MYO1E: variants seen among roughly 807,000 people sequenced by gnomAD.
The protein encoded by MYO1E is myosin IE.
A neutral mutation model predicts 151.1 loss-of-function variants in MYO1E; 68 were observed. The ratio of observed to expected loss-of-function variants is 0.45; its 90% CI spans 0.37 to 0.55. MYO1E has a LOEUF of 0.55. Ranked by LOEUF, MYO1E falls within the 20% of genes least tolerant of loss-of-function variation. MYO1E has a pLI of 0.00. For missense variants in MYO1E, 1,363 were observed against 1,389.3 expected (o/e 0.98, Z 0.30); for synonymous variants, 601 against 501.7 (o/e 1.20, Z -2.64).
chr15:59,191,332 CAGAGAGAGAGAGAGAGAG>C lies in MYO1E; in HGVS notation c.1806-3134_1806-3117del, dbSNP rs34694267. On this transcript the variant is annotated intron_variant, in intron 17 of 27. Transcript: ENST00000288235. ...CCCATATAAGTCAGACAGACAGAGACAGAGAGAGAGAGAGAGAGAGAGAGAGAGAGAGAGAGAAAGAAA... is the reference window on the plus strand; with the variant it reads ...CCCATATAAGTCAGACAGACAGAGACAGAGAGAGAGAGAGAGAGAAAGAAA... Among the ~76,000 whole-genome samples, 701 of 105,746 alleles carry C rather than the reference CAGAGAGAGAGAGAGAGAG, an allele frequency of 6.6e-3. 6 individuals are homozygous for C. Among genetic ancestry groups the C allele is most frequent in the African/African-American group, 0.022 (645 of 29,036 alleles). 69.4% of individuals were successfully genotyped at this position (105,746 alleles called of 152,430 possible). A position where few individuals can be genotyped will look rare whatever the true frequency, so the allele number is the denominator to read the frequency against.
intron 6 of MYO1E, among the ~76,000 whole-genome samples, chr15:59,230,504 C>A (rs138794321): frequency 3.8e-4 from 57 of 151,936 alleles, no homozygotes; most frequent in African/African-American, 1.3e-3. Flanking sequence ...TGGTCAAGTC[C>A]ATTTTTATAA....
At chr15:59,177,885 A>T (rs1211345386) in intron 19 of MYO1E, among the ~76,000 whole-genome samples, 2 of 152,164 alleles carry the variant, frequency 1.3e-5, no homozygotes, top group African/African-American at 4.8e-5. Flanking sequence ...TCTAGGTACA[A>T]TCCTGGGAAT....
intron 1 of MYO1E, among the ~76,000 whole-genome samples, chr15:59,272,836 A>G (rs8037629): frequency 1.0e-3 from 153 of 152,348 alleles, no homozygotes; most frequent in African/African-American, 3.6e-3. Flanking sequence ...CTATCCTTCA[A>G]CCATACTGTT....
At chr15:59,206,532 C>T (rs2079835194) in intron 14 of MYO1E, among the ~76,000 whole-genome samples, 1 of 152,224 alleles carries the variant, frequency 6.6e-6, no homozygotes, top group Non-Finnish European at 1.5e-5. Flanking sequence ...AGCATAGAGC[C>T]CTATCCTTCC....
At chr15:59,285,795 G>A (rs2080384532) in intron 1 of MYO1E, among the ~76,000 whole-genome samples, 1 of 152,216 alleles carries the variant, frequency 6.6e-6, no homozygotes, top group Non-Finnish European at 1.5e-5. Flanking sequence ...GTGTGTGCAT[G>A]TCCATTAAGA....
intron 21 of MYO1E, 62 bp downstream of exon 21, chr15:59,173,681 TAAC>T: frequency 1.3e-6 from 2 of 1,587,900 alleles, no homozygotes; most frequent in Non-Finnish European, 1.7e-6. Context: ...AAAAGCAAAA[TAAC>T]AAGTTATTAA....
intron 3 of MYO1E, among the ~76,000 whole-genome samples, chr15:59,258,476 A>C (rs947843600): frequency 1.3e-5 from 2 of 152,260 alleles, no homozygotes; most frequent in Admixed American, 6.5e-5. Context: ...GCCACCTTTG[A>C]TTGGCCAAAA....
chr15:59,355,949 G>A (rs1446108107), intron 1 of MYO1E, among the ~76,000 whole-genome samples: 1 of 152,076 alleles, frequency 6.6e-6, no homozygotes, highest in Non-Finnish European at 1.5e-5. Context: ...GAATGCCTGG[G>A]CTCAAGCAAT....
chr15:59,208,008 G>C, intron 14 of MYO1E: 1 of 1,610,988 alleles, frequency 6.2e-7, no homozygotes, highest in Non-Finnish European at 8.5e-7. Context: ...TAAAGATAAA[G>C]CTGACCCCTG....
intron 1 of MYO1E, among the ~76,000 whole-genome samples, chr15:59,294,381 T>C (rs1378530859): frequency 2.6e-5 from 4 of 152,202 alleles, no homozygotes; most frequent in African/African-American, 9.7e-5. Context: ...TCACCTCTTA[T>C]CTGGAATCTC....
Position 59,158,347 on chromosome 15 carries a change from C to G in MYO1E, c.2818G>C (p.Gly940Arg), listed in dbSNP as rs1202689640. Residue 940 changes from glycine (G) to arginine (R), a missense_variant, in exon 25 of 28, where the codon GGT becomes CGT. Gly to Arg is a moderately radical substitution (Grantham distance 125). Coordinates refer to ENST00000288235, the MANE Select transcript of MYO1E (RefSeq NM_004998.4). ...GCATTTTGAGTCCCACTGGAATAAC[C>G]TGTATTTTGGGTAGTGTTCCTTCTG... ...PTRRNTTQNT[G>R]YSSGTQNANY... 5.1e-6 allele frequency: 8 copies of G among 1,572,954 alleles called. No individual in the cohort carries two copies. The highest frequency in any genetic ancestry group is 6.0e-6 in the Non-Finnish European group (7 of 1,157,082).
At chr15:59,349,940 G>A (rs764976426) in intron 1 of MYO1E, among the ~76,000 whole-genome samples, 7 of 152,096 alleles carry the variant, frequency 4.6e-5, no homozygotes, top group South Asian at 2.1e-4. Context: ...ACACTAATGC[G>A]GTAACTCTAT....
At chr15:59,231,011 A>G (rs2080024475) in intron 6 of MYO1E, among the ~76,000 whole-genome samples, 1 of 152,256 alleles carries the variant, frequency 6.6e-6, no homozygotes, top group Middle Eastern at 3.4e-3. Context: ...CAGCTTTCCT[A>G]TTTACCCCCT....
chr15:59,348,137 A>G (rs530925399), intron 1 of MYO1E, among the ~76,000 whole-genome samples: 1 of 152,294 alleles, frequency 6.6e-6, no homozygotes, highest in African/African-American at 2.4e-5. Flanking sequence ...GGTCAATGCC[A>G]CAGTGGGGAG....
At chr15:59,257,737 T>C (rs990777686) in intron 3 of MYO1E, among the ~76,000 whole-genome samples, 38 of 152,016 alleles carry the variant, frequency 2.5e-4, no homozygotes, top group African/African-American at 8.0e-4. Context: ...AGCTACCCAG[T>C]GAGGGCTGCA....
chr15:59,174,014 A>AT (rs2079610368), intron 20 of MYO1E, 99 bp from the exon 21 acceptor site: 3 of 1,512,286 alleles, frequency 2.0e-6, no homozygotes, highest in Admixed American at 1.7e-5. Context: ...AAATGATGCA[A>AT]TATTTTTAGC....
chr15:59,180,185 T>C (rs2079649816), intron 18 of MYO1E, among the ~76,000 whole-genome samples: 1 of 152,190 alleles, frequency 6.6e-6, no homozygotes, highest in South Asian at 2.1e-4. Context: ...AAAATGAAAA[T>C]GCCTAGTGGA....
intron 1 of MYO1E, among the ~76,000 whole-genome samples, chr15:59,328,384 C>T (rs2080678823): frequency 6.6e-6 from 1 of 152,022 alleles, no homozygotes; most frequent in African/African-American, 2.4e-5. Flanking sequence ...AAGGAACCCA[C>T]CTTCATTGGG....
At chr15:59,161,642 C>G (rs552993545) in intron 23 of MYO1E, among the ~76,000 whole-genome samples, 10 of 152,306 alleles carry the variant, frequency 6.6e-5, no homozygotes, top group African/African-American at 2.4e-4. Flanking sequence ...AGATGCCAGA[C>G]ACAGGCCAGC....
Sources: allele counts gnomAD v4.1 joint callset (sites outside exome capture counted in the v4.1 genomes callset), GRCh38; gene constraint gnomAD v4.1.1; transcripts MANE v1.5; gene names NCBI Gene and HGNC (gene_info 2026-07-23, HGNC 2026-07-21).